The following PTPRN2 variants were observed in gnomAD, a reference collection of about 807,000 sequenced individuals.
The protein encoded by PTPRN2 is protein tyrosine phosphatase receptor type N2.
Under a neutral mutation model 118.8 loss-of-function variants are expected in PTPRN2, and 74 were observed. The ratio of observed to expected loss-of-function variants is 0.62; its 90% confidence interval spans 0.52 to 0.76. The LOEUF (loss-of-function observed/expected upper bound fraction) is 0.76. Ranked by LOEUF, PTPRN2 falls within the 30% of genes least tolerant of loss-of-function variation. The probability of loss-of-function intolerance (pLI) is 0.00; values close to 1 mark genes in which losing one functional copy is unlikely to be tolerated. For synonymous variants in PTPRN2, 641 were observed against 608.0 expected (o/e 1.05, Z -0.80); for missense variants, 1,481 against 1,394.4 (o/e 1.06, Z -0.99).
intron 2 of PTPRN2, among the ~76,000 whole-genome samples, chr7:158,323,694 C>A (rs1006817157): frequency 6.6e-6 from 1 of 152,164 alleles, no homozygotes; most frequent in African/African-American, 2.4e-5. Context: ...ACTGTTCCCA[C>A]AGGCCAAAGT....
At chr7:158,424,124 G>C (rs1006547854) in intron 2 of PTPRN2, among the ~76,000 whole-genome samples, 15 of 152,166 alleles carry the variant, frequency 9.9e-5, no homozygotes, top group African/African-American at 3.6e-4. Context: ...GTGGACACAG[G>C]CTTACGTGTG....
At chr7:158,505,315 A>C (rs1213225237) in intron 1 of PTPRN2, among the ~76,000 whole-genome samples, 1 of 152,138 alleles carries the variant, frequency 6.6e-6, no homozygotes, top group Non-Finnish European at 1.5e-5. Flanking sequence ...ATTTGCTGCC[A>C]CCTCCAGAAC....
At chr7:158,284,581 C>G (rs1042190638) in intron 3 of PTPRN2, among the ~76,000 whole-genome samples, 1 of 152,174 alleles carries the variant, frequency 6.6e-6, no homozygotes, top group Non-Finnish European at 1.5e-5. Context: ...TGGACTCTTT[C>G]TGAACTTCCT....
At chr7:158,552,486 G>A (rs1166981385) in intron 1 of PTPRN2, among the ~76,000 whole-genome samples, 1 of 152,198 alleles carries the variant, frequency 6.6e-6, no homozygotes, top group Non-Finnish European at 1.5e-5. Context: ...AGTGCGGGCT[G>A]GAGTGTAGGC....
chr7:157,773,503 C>T (rs957491792), intron 12 of PTPRN2, among the ~76,000 whole-genome samples: 10 of 152,190 alleles, frequency 6.6e-5, no homozygotes, highest in African/African-American at 1.9e-4. Flanking sequence ...GAGAAGAGCC[C>T]GTGCTCAGTT....
At position 158,417,869 on chromosome 7, in the gene PTPRN2, G is replaced by A. The variant is rs532556315; in HGVS notation, c.163+71866C>T. On this transcript the variant is annotated intron_variant, in intron 2 of 22. Coordinates refer to ENST00000389418, the MANE Select transcript of PTPRN2 (RefSeq NM_002847.5). The stretch of plus-strand genomic sequence containing the variant: ...CTACATCGAGATGCTCTAGCTCTCC[G>A]TGTCCCCCTGTGTTAAGTCATGGTG... Among the ~76,000 whole-genome samples the A allele has an allele frequency of 2.0e-3, 295 of 146,454 alleles. 10 individuals carry two copies. The highest frequency in any genetic ancestry group is 7.3e-3 in the African/African-American group (281 of 38,408).
In PTPRN2 at chr7:158,195,619, TTA is replaced by T. The variant is rs1491584005; in HGVS notation, c.381-3126_381-3125del. 3.1e-3 allele frequency among the ~76,000 whole-genome samples: 360 copies of T among 116,828 alleles called. 1 individual carries two copies. Among genetic ancestry groups the T allele is most frequent in the African/African-American group, 0.013 (310 of 24,444 alleles). 76.6% of individuals were successfully genotyped at this position (116,828 alleles called of 152,430 possible). On this transcript the variant is annotated intron_variant, in intron 4 of 22. Transcript: ENST00000389418. Reference sequence around the variant, plus strand: ...GTGTCCCATAGCTCACTGGTGTTTTTTATTTTTTTTTAATTATCCTTCCTTGT... The same window carrying T: ...GTGTCCCATAGCTCACTGGTGTTTTTTTTTTTTTTAATTATCCTTCCTTGT...
intron 2 of PTPRN2, among the ~76,000 whole-genome samples, chr7:158,430,574 T>A (rs1816097162): frequency 6.6e-6 from 1 of 152,242 alleles, no homozygotes; most frequent in Admixed American, 6.5e-5. Context: ...AGTGCATTGC[T>A]TCTTGTCCTA....
intron 11 of PTPRN2, among the ~76,000 whole-genome samples, chr7:158,019,958 C>T (rs972708057): frequency 2.0e-5 from 3 of 152,372 alleles, no homozygotes; most frequent in African/African-American, 7.2e-5. Flanking sequence ...CCCTGCTCCT[C>T]AGGTCCAGCC....
chr7:157,891,787 G>T (rs1796824482), intron 12 of PTPRN2, among the ~76,000 whole-genome samples: 1 of 152,136 alleles, frequency 6.6e-6, no homozygotes, highest in Non-Finnish European at 1.5e-5. Context: ...GCTGAGCAGG[G>T]ATTCACACCC....
At chr7:158,307,876 G>A (rs1801410947) in intron 3 of PTPRN2, among the ~76,000 whole-genome samples, 1 of 152,028 alleles carries the variant, frequency 6.6e-6, no homozygotes, top group Non-Finnish European at 1.5e-5. Flanking sequence ...ATCACAAGAG[G>A]GGACCTGGTG....
intron 12 of PTPRN2, among the ~76,000 whole-genome samples, chr7:157,819,496 C>A (rs1563142182): frequency 6.6e-6 from 1 of 151,722 alleles, no homozygotes; most frequent in African/African-American, 2.4e-5. Flanking sequence ...ACCGAGCGGC[C>A]GCAGCACAGC....
chr7:158,413,696 C>A (rs548773239), intron 2 of PTPRN2, among the ~76,000 whole-genome samples: 2 of 152,354 alleles, frequency 1.3e-5, no homozygotes, highest in African/African-American at 4.8e-5. Flanking sequence ...GATGAGGACC[C>A]CAGTCTCTCA....
intron 11 of PTPRN2, among the ~76,000 whole-genome samples, chr7:158,064,108 G>A (rs1810571075): frequency 6.6e-6 from 1 of 152,234 alleles, no homozygotes; most frequent in South Asian, 2.1e-4. Flanking sequence ...TGTGCCTGCT[G>A]CTAGAGGCGA....
At chr7:157,751,022 C>T (rs1433702239) in intron 12 of PTPRN2, among the ~76,000 whole-genome samples, 1 of 152,242 alleles carries the variant, frequency 6.6e-6, no homozygotes, top group African/African-American at 2.4e-5. Flanking sequence ...TCTAAAGAGC[C>T]TCCTCACCAG....
chr7:158,445,517 G>A lies in PTPRN2; in HGVS notation c.163+44218C>T, dbSNP rs112070854. 3.9e-5 allele frequency among the ~76,000 whole-genome samples: 6 copies of A among 152,180 alleles called. No homozygotes were observed. The East Asian group carries it at 5.8e-4, about 15-fold the overall frequency. ...CGGACCAGTGACCCCGCGGCCTCTC[G>A]GGAACAGGTCAGAGGCTCTGGAGGG... On this transcript the variant is annotated intron_variant, in intron 2 of 22. Transcript: ENST00000389418.
intron 12 of PTPRN2, among the ~76,000 whole-genome samples, chr7:157,707,425 C>T (rs1270796750): frequency 6.6e-6 from 1 of 152,172 alleles, no homozygotes; most frequent in Non-Finnish European, 1.5e-5. Context: ...ACTATATTAG[C>T]TTCCCATGAA....
intron 12 of PTPRN2, among the ~76,000 whole-genome samples, chr7:157,880,044 C>T (rs148209122): frequency 2.0e-4 from 31 of 152,222 alleles, no homozygotes; most frequent in East Asian, 7.7e-4. Flanking sequence ...GAGATAATCC[C>T]GTTATTGTCT....
chr7:157,669,544 A>T, intron 13 of PTPRN2: 1 of 491,366 alleles, frequency 2.0e-6, no homozygotes, highest in African/African-American at 1.9e-5. Flanking sequence ...AGGGGCTGTA[A>T]GCACAGCTCC....
Sources: allele counts gnomAD v4.1 joint callset (sites outside exome capture counted in the v4.1 genomes callset), GRCh38; gene constraint gnomAD v4.1.1; transcripts MANE v1.5; gene names NCBI Gene and HGNC (gene_info 2026-07-23, HGNC 2026-07-21).